Variants in PI4K2B observed in about 807,000 individuals in gnomAD.
PI4K2B encodes phosphatidylinositol 4-kinase type 2 beta.
A neutral mutation model predicts 56.6 loss-of-function variants in PI4K2B; 46 were observed. The ratio of observed to expected loss-of-function variants is 0.81; its 90% CI spans 0.64 to 1.04. The LOEUF is 1.04. PI4K2B is among the 50% of genes least tolerant of loss of function. PI4K2B has a pLI of 0.00. For missense variants in PI4K2B, 556 were observed against 607.7 expected, an observed-to-expected ratio of 0.91 and a Z score of 0.89; for synonymous variants, 211 against 223.8, an observed-to-expected ratio of 0.94 and a Z score of 0.51.
At chr4:25,236,007 AC>A (rs1374860877) in intron 1 of PI4K2B, among the ~76,000 whole-genome samples, 1 of 151,986 alleles carries the variant, frequency 6.6e-6, no homozygotes, top group Non-Finnish European at 1.5e-5. Context: ...ATAAACAACA[AC>A]AACAACAAAA....
chr4:25,270,287 T>C (rs891083654), intron 9 of PI4K2B, among the ~76,000 whole-genome samples: 5 of 152,168 alleles, frequency 3.3e-5, no homozygotes, highest in African/African-American at 1.2e-4. Flanking sequence ...AAAAAACTAA[T>C]TGTAACTCAG....
intron 1 of PI4K2B, among the ~76,000 whole-genome samples, chr4:25,250,139 G>A (rs1715990242): frequency 6.6e-6 from 1 of 152,178 alleles, no homozygotes; most frequent in South Asian, 2.1e-4. Context: ...GAATCAGGCA[G>A]GGAGGTTGCA....
chr4:25,250,836 G>A (rs1716021435), intron 1 of PI4K2B, among the ~76,000 whole-genome samples: 1 of 152,186 alleles, frequency 6.6e-6, no homozygotes. Flanking sequence ...GATGGCAAGA[G>A]GTGGTTGGAT....
intron 1 of PI4K2B, among the ~76,000 whole-genome samples, chr4:25,242,952 A>T (rs938052218): frequency 2.9e-4 from 44 of 152,310 alleles, no homozygotes; most frequent in African/African-American, 1.0e-3. Context: ...AGGGTGTGGG[A>T]CTTTCAGGCA....
intron 1 of PI4K2B, among the ~76,000 whole-genome samples, chr4:25,237,644 G>A (rs1294150167): frequency 6.6e-6 from 1 of 152,204 alleles, no homozygotes; most frequent in Non-Finnish European, 1.5e-5. Flanking sequence ...GAGATTACAA[G>A]GCCACCATGC....
chr4:25,276,781 A>G (rs1401519334), intron 9 of PI4K2B: 4 of 985,066 alleles, frequency 4.1e-6, no homozygotes, highest in Admixed American at 1.2e-4. Context: ...CCATCTGGCA[A>G]AAGTTATTTA....
In PI4K2B at chr4:25,257,301, A is replaced by G. The variant is rs1020508753; in HGVS notation, c.756+627A>G. Reference sequence around the variant, plus strand: ...GGTCTTGAATTCCTGGGCTGAAGCAATCCTCTCGCTTTGGCCTCCCAAAGT... The same window carrying G: ...GGTCTTGAATTCCTGGGCTGAAGCAGTCCTCTCGCTTTGGCCTCCCAAAGT... On this transcript the variant is annotated intron_variant, in intron 4 of 9. Coordinates refer to ENST00000264864, the MANE Select transcript of PI4K2B (RefSeq NM_018323.4). Among the ~76,000 whole-genome samples, 6 of 151,968 alleles carry G rather than the reference A, an allele frequency of 3.9e-5. No homozygotes were observed. The East Asian group carries it at 7.8e-4, about 20-fold the overall frequency.
intron 1 of PI4K2B, among the ~76,000 whole-genome samples, chr4:25,237,291 G>A (rs1715303339): frequency 6.6e-6 from 1 of 151,992 alleles, no homozygotes; most frequent in African/African-American, 2.4e-5. Context: ...AGTTCTGTAT[G>A]CTTCATATAT....
At chr4:25,270,007 C>T (rs899732273) in intron 9 of PI4K2B, among the ~76,000 whole-genome samples, 14 of 152,184 alleles carry the variant, frequency 9.2e-5, no homozygotes, top group African/African-American at 2.4e-4. Context: ...TGAGCCACCG[C>T]GCCCAGCCTA....
intron 3 of PI4K2B, among the ~76,000 whole-genome samples, chr4:25,255,904 G>T (rs1230902843): frequency 2.0e-5 from 3 of 148,952 alleles, no homozygotes; most frequent in Admixed American, 1.3e-4. Context: ...ACCATCATGC[G>T]CCTGGCACCC....
chr4:25,247,618 A>G (rs1173989581), intron 1 of PI4K2B, among the ~76,000 whole-genome samples: 1 of 152,222 alleles, frequency 6.6e-6, no homozygotes, highest in Non-Finnish European at 1.5e-5. Flanking sequence ...AGACTTAGAG[A>G]AAGTGGCATC....
intron 9 of PI4K2B, among the ~76,000 whole-genome samples, chr4:25,272,497 T>C (rs542157802): frequency 6.6e-6 from 1 of 152,264 alleles, no homozygotes; most frequent in Admixed American, 6.5e-5. Context: ...CTGTTTTTAC[T>C]TTTTAAAAAA....
At position 25,259,040 on chromosome 4, in the gene PI4K2B, G is replaced by T; in HGVS notation, c.760G>T (p.Gly254Cys). 1 of 1,505,264 alleles carries T rather than the reference G, an allele frequency of 6.6e-7. No individual in the cohort carries two copies. The highest frequency in any genetic ancestry group is 9.1e-7 in the Non-Finnish European group (1 of 1,095,730). 93.2% of individuals were successfully genotyped at this position (1,505,264 alleles called of 1,614,324 possible). Residue 254 changes from glycine (G) to cysteine (C), a missense_variant, in exon 5 of 10, where the codon GGT becomes TGT. By Grantham distance (159) the Gly-to-Cys change is radical. Transcript: ENST00000264864. ...FHRIGLPPKI[G>C]SFQLFVEGYK... ...ACTATAGTTCTTAAAATTATAGATTGGTTCCTTTCAGTTATTTGTTGAAGG... is the reference window on the plus strand; with the variant it reads ...ACTATAGTTCTTAAAATTATAGATTTGTTCCTTTCAGTTATTTGTTGAAGG...
chr4:25,257,234 A>AAT (rs1716295775), intron 4 of PI4K2B, among the ~76,000 whole-genome samples: 1 of 151,464 alleles, frequency 6.6e-6, no homozygotes, highest in East Asian at 2.0e-4. Flanking sequence ...ATTAAAAAAA[A>AAT]TTTTTTTTGT....
At position 25,268,490 on chromosome 4, in the gene PI4K2B, GAAGAAAT is replaced by G; in HGVS notation, c.1134_1140del (p.Arg379Ter). 1 of 1,602,114 alleles carries G rather than the reference GAAGAAAT, an allele frequency of 6.2e-7. No individual in the cohort carries two copies. The highest frequency in any genetic ancestry group is 8.5e-7 in the Non-Finnish European group (1 of 1,173,004). On this transcript the variant is annotated frameshift_variant, in exon 8 of 10. Coordinates refer to ENST00000264864, the MANE Select transcript of PI4K2B (RefSeq NM_018323.4). LOFTEE classifies it high-confidence loss of function. ...TCCTCAAGCAAAAGTTCCCTTTTCTGAAGAAATAAGAAATTTGATTCTACCATATATT... is the reference window on the plus strand; with the variant it reads ...TCCTCAAGCAAAAGTTCCCTTTTCTGAAGAAATTTGATTCTACCATATATT...
At chr4:25,259,666 A>T (rs1026884728) in intron 5 of PI4K2B, among the ~76,000 whole-genome samples, 8 of 152,136 alleles carry the variant, frequency 5.3e-5, no homozygotes, top group African/African-American at 1.9e-4. Flanking sequence ...TGGGCCACAC[A>T]TAAAAACAGT....
At chr4:25,269,451 A>T (rs930445452) in intron 9 of PI4K2B, among the ~76,000 whole-genome samples, 1 of 152,098 alleles carries the variant, frequency 6.6e-6, no homozygotes, top group Non-Finnish European at 1.5e-5. Flanking sequence ...AGCCTGGCCA[A>T]CATGGTGAAA....
Position 25,263,861 on chromosome 4 carries a change from G to T in PI4K2B, c.1078+12G>T. 8.4e-7 allele frequency: 1 copy of T among 1,193,204 alleles called. No individual in the cohort carries two copies. The highest frequency in any genetic ancestry group is 1.2e-6 in the Non-Finnish European group (1 of 801,382). The allele number at this position is 1,193,204 out of a possible 1,614,324, so 73.9% of individuals were successfully genotyped here. On this transcript the variant is annotated intron_variant, in intron 7 of 9. Transcript: ENST00000264864. ...TGAATGGAGAGCATGTGAGTATTTA[G>T]AACCTTCTGTAGAGTCTATAATTAC...
chr4:25,243,643 A>G (rs1355904146), intron 1 of PI4K2B, among the ~76,000 whole-genome samples: 3 of 152,154 alleles, frequency 2.0e-5, no homozygotes, highest in Non-Finnish European at 2.9e-5. Context: ...GGTAATAATT[A>G]TCTTTTAGAA....
Sources: gnomAD v4.1 joint callset for allele counts (sites outside exome capture counted in the v4.1 genomes callset) on GRCh38, gnomAD v4.1.1 for gene constraint, MANE v1.5 for transcripts, NCBI Gene and HGNC (gene_info 2026-07-23, HGNC 2026-07-21) for gene names.